The following NFIB variants were observed in gnomAD, a reference collection of about 807,000 sequenced individuals.
NFIB encodes the protein nuclear factor I B.
NFIB carries 11 observed loss-of-function variants against 61.5 expected under a neutral mutation model. That is an observed-to-expected ratio of 0.18 (90% confidence interval 0.11 to 0.30). The LOEUF is 0.30. Ranked by LOEUF, NFIB falls within the 10% of genes least tolerant of loss-of-function variation. The pLI, the probability that NFIB is intolerant of heterozygous loss-of-function variation, is 1.00. For synonymous variants in NFIB, 260 were observed against 216.5 expected, an observed-to-expected ratio of 1.20 and a Z score of -1.76; for missense variants, 471 against 608.9, an observed-to-expected ratio of 0.77 and a Z score of 2.38.
chr9:14,361,857 G>T (rs970867387), intron 1 of NFIB: 5 of 152,200 alleles, frequency 3.3e-5, no homozygotes, highest in African/African-American at 1.2e-4. Context: ...GAAAGGCAAG[G>T]AAGCTAATTC....
the NFIB span, among the ~76,000 whole-genome samples, chr9:14,498,928 G>A: frequency 2.0e-5 from 3 of 151,998 alleles, no homozygotes. Flanking sequence ...AAGTGATCAA[G>A]ATGGGGTTCC....
At chr9:14,530,947 G>C in the NFIB span, among the ~76,000 whole-genome samples, 1 of 152,100 alleles carries the variant, frequency 6.6e-6, no homozygotes, top group Admixed American at 6.5e-5. Flanking sequence ...GAAAGTAAAT[G>C]TTCAGATGAA....
At chr9:14,386,574 T>C (rs1588406549) in intron 1 of NFIB, among the ~76,000 whole-genome samples, 1 of 151,654 alleles carries the variant, frequency 6.6e-6, no homozygotes, top group East Asian at 2.0e-4. Context: ...ATTTTTATCA[T>C]GCATTCTCAC....
chr9:14,388,964 T>C (rs995342856), intron 1 of NFIB, among the ~76,000 whole-genome samples: 2 of 152,290 alleles, frequency 1.3e-5, no homozygotes, highest in East Asian at 1.9e-4. Context: ...TGGGGCTGTA[T>C]CAGAGACCAA....
chr9:14,529,778 A>C, the NFIB span, among the ~76,000 whole-genome samples: 1 of 152,228 alleles, frequency 6.6e-6, no homozygotes, highest in African/African-American at 2.4e-5. Context: ...ATGTAACCTA[A>C]TGAAGATTAA....
At chr9:14,112,954 G>T in intron 10 of NFIB, 45 bp downstream of exon 10, 1 of 1,533,468 alleles carries the variant, frequency 6.5e-7, no homozygotes. Flanking sequence ...AAGCACGGAA[G>T]CGAAAGCGTG....
At chr9:14,409,100 G>A in the NFIB span, among the ~76,000 whole-genome samples, 1 of 152,140 alleles carries the variant, frequency 6.6e-6, no homozygotes, top group East Asian at 1.9e-4. Context: ...CAGATTTTTA[G>A]TGTTTGTTGA....
intron 3 of NFIB, among the ~76,000 whole-genome samples, chr9:14,156,808 G>A (rs912191270): frequency 1.3e-5 from 2 of 152,188 alleles, no homozygotes; most frequent in African/African-American, 4.8e-5. Flanking sequence ...GTCCTAGGGT[G>A]AGAATAAGTT....
chr9:14,529,757 A>G, the NFIB span, among the ~76,000 whole-genome samples: 8 of 152,238 alleles, frequency 5.3e-5, no homozygotes, highest in Admixed American at 4.6e-4. Flanking sequence ...TAAGAAACTT[A>G]CGTACTCTTC....
intron 1 of NFIB, among the ~76,000 whole-genome samples, chr9:14,308,942 T>C (rs748633857): frequency 6.6e-6 from 1 of 152,226 alleles, no homozygotes; most frequent in Non-Finnish European, 1.5e-5. Context: ...GGCCTATTAC[T>C]GTTCAAAGAG....
upstream of NFIB, chr9:14,314,164 G>C: frequency 1.0e-6 from 1 of 985,644 alleles, no homozygotes. Context: ...GGGCGCGCGC[G>C]GGAGAGGGCC....
chr9:14,346,307 T>G (rs1588343685), intron 1 of NFIB, among the ~76,000 whole-genome samples: 1 of 73,108 alleles, frequency 1.4e-5, no homozygotes, highest in Non-Finnish European at 3.6e-5. Context: ...CCCCGTAACC[T>G]GAGCTAAAGG....
intron 6 of NFIB, among the ~76,000 whole-genome samples, chr9:14,136,746 C>A (rs2041092801): frequency 1.3e-5 from 2 of 152,048 alleles, no homozygotes; most frequent in African/African-American, 4.8e-5. Context: ...AAACTAATTG[C>A]TTGAGAACAA....
intron 1 of NFIB, among the ~76,000 whole-genome samples, chr9:14,332,287 C>T (rs961792417): frequency 2.9e-5 from 4 of 139,570 alleles, no homozygotes; most frequent in South Asian, 2.3e-4. Context: ...CAGCAGAGAT[C>T]GTGCCACTGC....
At chr9:14,193,774 T>A (rs1490579447) in intron 2 of NFIB, among the ~76,000 whole-genome samples, 1 of 152,224 alleles carries the variant, frequency 6.6e-6, no homozygotes, top group Non-Finnish European at 1.5e-5. Context: ...TACTTAATGT[T>A]TTAAACTGTG....
At chr9:14,506,621 G>A in the NFIB span, among the ~76,000 whole-genome samples, 1 of 152,150 alleles carries the variant, frequency 6.6e-6, no homozygotes, top group Admixed American at 6.5e-5. Flanking sequence ...CCTACATATT[G>A]AAAATGTGAG....
intron 3 of NFIB, among the ~76,000 whole-genome samples, chr9:14,161,938 C>A (rs553590538): frequency 1.4e-4 from 21 of 152,252 alleles, no homozygotes; most frequent in African/African-American, 5.1e-4. Context: ...ATCCTGCTGC[C>A]AGACTTACAT....
chr9:14,348,436 T>C (rs1228206836), intron 1 of NFIB, among the ~76,000 whole-genome samples: 4 of 152,032 alleles, frequency 2.6e-5, no homozygotes, highest in South Asian at 2.1e-4. Flanking sequence ...GCTCACGCTA[T>C]TTCGGGAGAA....
At chr9:14,209,820 T>C (rs1003814713) in intron 2 of NFIB, among the ~76,000 whole-genome samples, 6 of 152,098 alleles carry the variant, frequency 3.9e-5, no homozygotes, top group Admixed American at 2.6e-4. Context: ...CTGGGTAAAC[T>C]TGCCCACTGT....
Sources: allele counts gnomAD v4.1 joint callset (sites outside exome capture counted in the v4.1 genomes callset), GRCh38; gene constraint gnomAD v4.1.1; transcripts MANE v1.5; gene names NCBI Gene and HGNC (gene_info 2026-07-23, HGNC 2026-07-21).